Variants in PTPRD observed in about 807,000 individuals in gnomAD.
PTPRD encodes receptor-type tyrosine-protein phosphatase delta.
Under a neutral mutation model 214.5 loss-of-function variants are expected in PTPRD, and 34 were observed. The ratio of observed to expected loss-of-function variants is 0.16; its 90% CI spans 0.12 to 0.21. The LOEUF is 0.21. Ranked by LOEUF, PTPRD falls within the 10% of genes least tolerant of loss-of-function variation. PTPRD has a pLI of 1.00. For missense variants in PTPRD, 2,545 were observed against 2,398.7 expected (o/e 1.06, Z -1.27); for synonymous variants, 1,128 against 845.7 (o/e 1.33, Z -5.79).
intron 10 of PTPRD, among the ~76,000 whole-genome samples, chr9:9,025,131 G>A (rs762148347): frequency 6.6e-6 from 1 of 151,810 alleles, no homozygotes; most frequent in African/African-American, 2.4e-5. Flanking sequence ...TTTTTCCCTT[G>A]AAAGTGTGCA....
chr9:9,605,862 G>T (rs952576534), intron 7 of PTPRD, among the ~76,000 whole-genome samples: 2 of 152,074 alleles, frequency 1.3e-5, no homozygotes, highest in African/African-American at 2.4e-5. Flanking sequence ...AACGATAACG[G>T]AACTTGTCAT....
intron 2 of PTPRD, among the ~76,000 whole-genome samples, chr9:10,444,160 C>T (rs76125464): frequency 0.076 from 11,519 of 151,772 alleles, 712 homozygotes; most frequent in African/African-American, 0.15. Context: ...AAGCCATCAG[C>T]TTATGTTAGG....
At chr9:8,372,900 C>T (rs974643489) in intron 39 of PTPRD, among the ~76,000 whole-genome samples, 2 of 151,960 alleles carry the variant, frequency 1.3e-5, no homozygotes, top group Non-Finnish European at 2.9e-5. Flanking sequence ...TTCTTTGAAA[C>T]CTCCTCCATT....
intron 7 of PTPRD, among the ~76,000 whole-genome samples, chr9:9,592,955 G>C (rs551980492): frequency 2.0e-5 from 3 of 152,054 alleles, no homozygotes; most frequent in Admixed American, 2.0e-4. Flanking sequence ...TGAGACATGA[G>C]AATCACTTGA....
intron 8 of PTPRD, among the ~76,000 whole-genome samples, chr9:9,443,637 T>C (rs986692006): frequency 6.6e-6 from 1 of 152,122 alleles, no homozygotes; most frequent in African/African-American, 2.4e-5. Flanking sequence ...TGAGAACACA[T>C]AGAGAAGGGG....
intron 39 of PTPRD, among the ~76,000 whole-genome samples, chr9:8,353,497 A>ATC (rs1224505085): frequency 1.3e-5 from 2 of 151,620 alleles, no homozygotes. Context: ...TGCTGGTGTG[A>ATC]TCTCGGCTCA....
chr9:9,182,744 A>G (rs182661129), intron 10 of PTPRD, among the ~76,000 whole-genome samples: 4 of 152,188 alleles, frequency 2.6e-5, no homozygotes, highest in African/African-American at 9.6e-5. Context: ...ATTTTGTCAC[A>G]AAGTAGTGAG....
chr9:9,562,705 C>T (rs761214033), intron 8 of PTPRD, among the ~76,000 whole-genome samples: 1 of 152,080 alleles, frequency 6.6e-6, no homozygotes, highest in Non-Finnish European at 1.5e-5. Flanking sequence ...AGCAAATTTG[C>T]CCAAATCTGT....
chr9:8,964,985 G>A (rs1034389560), intron 11 of PTPRD, among the ~76,000 whole-genome samples: 2 of 151,982 alleles, frequency 1.3e-5, no homozygotes, highest in Non-Finnish European at 2.9e-5. Context: ...TTGATCTTGG[G>A]GTAATTCCTT....
intron 3 of PTPRD, among the ~76,000 whole-genome samples, chr9:10,194,001 G>A (rs1482795973): frequency 6.6e-6 from 1 of 151,862 alleles, no homozygotes; most frequent in African/African-American, 2.4e-5. Context: ...AAATTCTCCC[G>A]TTCACCTATT....
chr9:9,838,462 T>C (rs1398320335), intron 5 of PTPRD, among the ~76,000 whole-genome samples: 1 of 152,186 alleles, frequency 6.6e-6, no homozygotes, highest in Non-Finnish European at 1.5e-5. Flanking sequence ...ATTGCCATTC[T>C]AACTGGTGTG....
intron 16 of PTPRD, among the ~76,000 whole-genome samples, chr9:8,526,998 G>C (rs2074334978): frequency 1.3e-5 from 2 of 151,438 alleles, no homozygotes; most frequent in Admixed American, 6.6e-5. Flanking sequence ...ACATAGTTTA[G>C]GAAAATACTG....
chr9:10,278,629 A>T (rs2094875764), intron 3 of PTPRD, among the ~76,000 whole-genome samples: 1 of 152,178 alleles, frequency 6.6e-6, no homozygotes, highest in Non-Finnish European at 1.5e-5. Context: ...CCTCACTTAG[A>T]ATATAAACAC....
At chr9:9,229,836 T>G (rs887110710) in intron 9 of PTPRD, among the ~76,000 whole-genome samples, 1 of 152,076 alleles carries the variant, frequency 6.6e-6, no homozygotes, top group African/African-American at 2.4e-5. Flanking sequence ...TTGTGAACAC[T>G]GATACTTCAT....
intron 35 of PTPRD, among the ~76,000 whole-genome samples, chr9:8,420,734 CT>C (rs2094297648): frequency 6.6e-6 from 1 of 151,120 alleles, no homozygotes; most frequent in South Asian, 2.1e-4. Context: ...AGATTTTTAG[CT>C]TTGGGGAAAG....
intron 5 of PTPRD, among the ~76,000 whole-genome samples, chr9:9,912,811 C>A (rs2079586398): frequency 6.6e-6 from 1 of 152,086 alleles, no homozygotes; most frequent in Non-Finnish European, 1.5e-5. Context: ...AAATGTGATT[C>A]AATAGCACTG....
At chr9:10,233,803 C>G (rs1180933719) in intron 3 of PTPRD, among the ~76,000 whole-genome samples, 2 of 151,776 alleles carry the variant, frequency 1.3e-5, no homozygotes, top group African/African-American at 4.8e-5. Flanking sequence ...TTTTAAATAT[C>G]TAAATATTTA....
chr9:10,019,108 T>G lies in PTPRD; in HGVS notation c.-472+14610A>C, dbSNP rs1289284424. On this transcript the variant is annotated intron_variant, in intron 4 of 45. Coordinates refer to ENST00000381196, the MANE Select transcript of PTPRD (RefSeq NM_002839.4). ...AAAAACAAACAACCCCATCAAAAAG[T>G]GGGCGAAAGATATGAACAGACACTT... 3.3e-5 allele frequency among the ~76,000 whole-genome samples: 5 copies of G among 152,144 alleles called. No homozygotes were observed. In the East Asian group the frequency reaches 9.7e-4, roughly 29 times the overall value.
intron 3 of PTPRD, among the ~76,000 whole-genome samples, chr9:10,100,916 A>G (rs1301828359): frequency 2.6e-5 from 4 of 151,742 alleles, no homozygotes; most frequent in African/African-American, 7.2e-5. Flanking sequence ...GCATACTGAG[A>G]TAACGAAAAA....
Sources: allele counts gnomAD v4.1 joint callset (sites outside exome capture counted in the v4.1 genomes callset), GRCh38; gene constraint gnomAD v4.1.1; transcripts MANE v1.5; gene names NCBI Gene and HGNC (gene_info 2026-07-23, HGNC 2026-07-21).